Variants in KMT5B observed in about 807,000 individuals in gnomAD.
The protein encoded by KMT5B is lysine methyltransferase 5B.
Under a neutral mutation model 83.2 loss-of-function variants are expected in KMT5B, and 10 were observed. The observed-to-expected ratio is 0.12, with a 90% CI of 0.07 to 0.20. The LOEUF is 0.20. Ranked by LOEUF, KMT5B falls within the 10% of genes least tolerant of loss-of-function variation. KMT5B has a pLI of 1.00. For missense variants in KMT5B, 753 were observed against 1,067.2 expected (o/e 0.71, Z 4.10); for synonymous variants, 349 against 388.8 (o/e 0.90, Z 1.20).
intron 1 of KMT5B, among the ~76,000 whole-genome samples, chr11:68,205,748 G>A (rs1330205567): frequency 6.6e-6 from 1 of 151,626 alleles, no homozygotes; most frequent in Non-Finnish European, 1.5e-5. Flanking sequence ...AGCCTCCTGA[G>A]TACCTGGGAC....
intron 10 of KMT5B, chr11:68,166,474 G>A: frequency 4.0e-6 from 4 of 1,002,736 alleles, no homozygotes; most frequent in Non-Finnish European, 4.8e-6. Context: ...TTCTGAGTCT[G>A]GTACTGGTGG....
chr11:68,195,446 A>G (rs191060697), intron 1 of KMT5B, among the ~76,000 whole-genome samples: 1 of 152,350 alleles, frequency 6.6e-6, no homozygotes, highest in African/African-American at 2.4e-5. Context: ...TTTCTATAAA[A>G]GGTACAACAC....
At position 68,157,143 on chromosome 11, in the gene KMT5B, G is replaced by A. The variant is rs1413716745; in HGVS notation, c.*545C>T. On this transcript the variant is annotated 3_prime_UTR_variant, in exon 11 of 11. Coordinates refer to ENST00000304363, the MANE Select transcript of KMT5B (RefSeq NM_017635.5). ...ATCTGACTCCCAACCAATGGTTTGC[G>A]ATATTAACAAAGGCCACAAACAGTA... is the stretch of plus-strand genomic sequence containing the variant. 1.3e-5 allele frequency: 2 copies of A among 149,018 alleles called. No homozygotes were observed. The highest frequency in any genetic ancestry group is 3.4e-3 in the Middle Eastern group (1 of 292). 9.2% of individuals were successfully genotyped at this position (149,018 alleles called of 1,614,324 possible).
intron 9 of KMT5B, among the ~76,000 whole-genome samples, chr11:68,167,856 C>G (rs1008587416): frequency 6.6e-6 from 1 of 152,152 alleles, no homozygotes; most frequent in African/African-American, 2.4e-5. Flanking sequence ...TCCTCATCAA[C>G]GGTACATTGT....
intron 4 of KMT5B, among the ~76,000 whole-genome samples, chr11:68,178,086 A>AAT (rs1442620124): frequency 6.6e-6 from 1 of 152,242 alleles, no homozygotes; most frequent in Admixed American, 6.5e-5. Context: ...TCAGAAAAGC[A>AAT]ATAGTTCACT....
At chr11:68,165,972 T>G (rs201232725) in intron 10 of KMT5B, 3 of 1,612,694 alleles carry the variant, frequency 1.9e-6, no homozygotes, top group Non-Finnish European at 2.5e-6. Context: ...GAGCACCCAG[T>G]GTTGGGCTGA....
At chr11:68,203,109 G>A (rs1859660429) in intron 1 of KMT5B, among the ~76,000 whole-genome samples, 1 of 152,024 alleles carries the variant, frequency 6.6e-6, no homozygotes, top group African/African-American at 2.4e-5. Flanking sequence ...CTGAGTAGCT[G>A]GGATTACAGG....
At chr11:68,209,560 T>C (rs965962144) in intron 1 of KMT5B, among the ~76,000 whole-genome samples, 1 of 152,214 alleles carries the variant, frequency 6.6e-6, no homozygotes, top group Non-Finnish European at 1.5e-5. Flanking sequence ...TGGCACAAGG[T>C]AGAAACACAG....
intron 1 of KMT5B, among the ~76,000 whole-genome samples, chr11:68,190,705 T>C (rs1445178037): frequency 6.6e-6 from 1 of 152,232 alleles, no homozygotes; most frequent in African/African-American, 2.4e-5. Flanking sequence ...AGAATATAGC[T>C]GAGCACAGTG....
chr11:68,201,227 C>T (rs759095477), intron 1 of KMT5B, among the ~76,000 whole-genome samples: 4 of 152,198 alleles, frequency 2.6e-5, no homozygotes, highest in Non-Finnish European at 4.4e-5. Flanking sequence ...CCAGTGCTAC[C>T]GTTGCTGGGG....
At chr11:68,199,629 C>A (rs1427153200) in intron 1 of KMT5B, among the ~76,000 whole-genome samples, 1 of 152,180 alleles carries the variant, frequency 6.6e-6, no homozygotes, top group Non-Finnish European at 1.5e-5. Context: ...ACCATGCTGG[C>A]AGCTTGCTAC....
chr11:68,176,002 C>T (rs952772785), intron 4 of KMT5B, among the ~76,000 whole-genome samples: 1 of 150,344 alleles, frequency 6.7e-6, no homozygotes, highest in African/African-American at 2.5e-5. Context: ...GCAACCTCTG[C>T]CTCCCGGGTT....
At chr11:68,200,570 T>A (rs575325150) in intron 1 of KMT5B, among the ~76,000 whole-genome samples, 229 of 152,248 alleles carry the variant, frequency 1.5e-3, no homozygotes, top group African/African-American at 4.9e-3. Flanking sequence ...AGAGAGAGAC[T>A]GACTCGCAGG....
At chr11:68,178,442 C>G (rs1017019703) in intron 4 of KMT5B, among the ~76,000 whole-genome samples, 5 of 152,194 alleles carry the variant, frequency 3.3e-5, no homozygotes, top group African/African-American at 1.2e-4. Context: ...ACTTCTGTTT[C>G]TGCTTTCCTG....
At chr11:68,183,890 C>A (rs1416519460) in intron 3 of KMT5B, among the ~76,000 whole-genome samples, 2 of 148,646 alleles carry the variant, frequency 1.3e-5, no homozygotes, top group Admixed American at 1.3e-4. Flanking sequence ...GAACTCCTGA[C>A]CTCTGGTGAT....
chr11:68,164,729 T>C, intron 10 of KMT5B: 1 of 499,582 alleles, frequency 2.0e-6, no homozygotes, highest in East Asian at 5.7e-5. Flanking sequence ...CAGCAGTCCC[T>C]GCAAAATGTA....
At chr11:68,207,207 C>T (rs1860235736) in intron 1 of KMT5B, among the ~76,000 whole-genome samples, 1 of 149,602 alleles carries the variant, frequency 6.7e-6, no homozygotes, top group East Asian at 1.9e-4. Flanking sequence ...GAGCGAGACT[C>T]CGTTTCAAAA....
At chr11:68,189,804 G>A in intron 2 of KMT5B, 113 bp downstream of exon 2, 2 of 1,122,796 alleles carry the variant, frequency 1.8e-6, no homozygotes, top group Non-Finnish European at 1.2e-6. Flanking sequence ...TGTTAATTAT[G>A]AAAATGCAAA....
rs577929255 is a variant in KMT5B at position 68,185,236 on chromosome 11, G to A, written c.308+545C>T. Among the ~76,000 whole-genome samples, 6 of 151,458 alleles carry A rather than the reference G, an allele frequency of 4.0e-5. No individual in the cohort carries two copies. The South Asian group carries it at 6.2e-4, about 16-fold the overall frequency. On this transcript the variant is annotated intron_variant, in intron 3 of 10. Coordinates refer to ENST00000304363, the MANE Select transcript of KMT5B (RefSeq NM_017635.5). ...CTTTTTTTTTTTGAGATGGAGTTTCGCTCTTGTTGCCCAGACTGGAGTGCA... is the reference window on the plus strand; with the variant it reads ...CTTTTTTTTTTTGAGATGGAGTTTCACTCTTGTTGCCCAGACTGGAGTGCA...
Sources: gnomAD v4.1 joint callset for allele counts (sites outside exome capture counted in the v4.1 genomes callset) on GRCh38, gnomAD v4.1.1 for gene constraint, MANE v1.5 for transcripts, NCBI Gene and HGNC (gene_info 2026-07-23, HGNC 2026-07-21) for gene names.